The following DACH1 variants were observed in gnomAD, a reference collection of about 807,000 sequenced individuals.
DACH1 encodes dachshund homolog 1.
In DACH1, 12 loss-of-function variants were observed where a neutral mutation model predicts 54.2. The ratio of observed to expected loss-of-function variants is 0.22; its 90% confidence interval spans 0.14 to 0.36. The LOEUF (loss-of-function observed/expected upper bound fraction) is 0.36, where lower values mean the gene tolerates loss of function less well. DACH1 is among the 10% of genes least tolerant of loss of function. DACH1 has a pLI of 1.00. For missense variants in DACH1, 805 were observed against 929.8 expected, an observed-to-expected ratio of 0.87 and a Z score of 1.75; for synonymous variants, 386 against 366.2, an observed-to-expected ratio of 1.05 and a Z score of -0.62.
At chr13:71,632,688 CA>C (rs1431111181) in intron 2 of DACH1, among the ~76,000 whole-genome samples, 1 of 152,082 alleles carries the variant, frequency 6.6e-6, no homozygotes, top group Non-Finnish European at 1.5e-5. Context: ...TCCTTCAGAT[CA>C]GACCAAAGAG....
chr13:71,717,288 A>G (rs566779537), intron 1 of DACH1, among the ~76,000 whole-genome samples: 17 of 152,314 alleles, frequency 1.1e-4, no homozygotes, highest in African/African-American at 4.1e-4. Context: ...TCTTTCAACA[A>G]GAAATGCCTA....
rs555853696 is a variant in DACH1, at chr13:71,655,961, AAAAG to A, written c.965-25248_965-25245del. The stretch of plus-strand genomic sequence containing the variant: ...GTCACATTTTTTATGAAGCATATAA[AAAAG>A]AAAGTAGAAAGTAATTTTTAATTGG... On this transcript the variant is annotated intron_variant, in intron 2 of 10. Transcript: ENST00000613252. 1.5e-4 allele frequency among the ~76,000 whole-genome samples: 23 copies of A among 152,374 alleles called. No individual in the cohort carries two copies. In the South Asian group the frequency reaches 4.6e-3, roughly 30 times the overall value.
intron 3 of DACH1, among the ~76,000 whole-genome samples, chr13:71,588,611 G>C (rs921868311): frequency 6.6e-6 from 1 of 151,910 alleles, no homozygotes; most frequent in Admixed American, 6.6e-5. Flanking sequence ...ACAAGGAACA[G>C]ACAAATGATA....
chr13:71,467,691 C>T (rs954265076), intron 10 of DACH1, among the ~76,000 whole-genome samples: 4 of 151,984 alleles, frequency 2.6e-5, no homozygotes, highest in African/African-American at 9.7e-5. Flanking sequence ...CCGTTTATTG[C>T]TTACTGCCTA....
chr13:71,865,858 G>T lies in DACH1; in HGVS notation c.848+64C>A, dbSNP rs1036058759. 2.8e-6 allele frequency: 4 copies of T among 1,442,160 alleles called. No individual in the cohort carries two copies. The South Asian group carries it at 4.5e-5, about 16-fold the overall frequency. 89.3% of individuals were successfully genotyped at this position (1,442,160 alleles called of 1,614,324 possible). On this transcript the variant is annotated intron_variant, in intron 1 of 10. Coordinates refer to ENST00000613252, the MANE Select transcript of DACH1 (RefSeq NM_080759.6). ...GAGCGAGCGGCGCCGGGAAAGGAGC[G>T]AGGGCAGGCGAGCAGGCTGGTGGGA... is the stretch of plus-strand genomic sequence containing the variant.
intron 6 of DACH1, among the ~76,000 whole-genome samples, chr13:71,552,174 G>A (rs921548342): frequency 6.6e-6 from 1 of 152,236 alleles, no homozygotes; most frequent in African/African-American, 2.4e-5. Flanking sequence ...AACGAGGAAA[G>A]GGAGAGACAG....
chr13:71,767,832 C>CT (rs908625720), intron 1 of DACH1, among the ~76,000 whole-genome samples: 2 of 151,902 alleles, frequency 1.3e-5, no homozygotes, highest in African/African-American at 4.8e-5. Flanking sequence ...TAATATTTTC[C>CT]TAGCCCTTTA....
At chr13:71,865,854 G>T in intron 1 of DACH1, 68 bp downstream of exon 1, 1 of 1,430,976 alleles carries the variant, frequency 7.0e-7, no homozygotes, top group East Asian at 2.8e-5. Flanking sequence ...GCCGGGAAAG[G>T]AGCGAGGGCA....
chr13:71,617,353 C>G (rs1199731632), intron 3 of DACH1, among the ~76,000 whole-genome samples: 1 of 152,010 alleles, frequency 6.6e-6, no homozygotes, highest in Non-Finnish European at 1.5e-5. Context: ...CTTTATTTCT[C>G]AACATTCATG....
chr13:71,461,990 ATATG>A (rs1296194839), intron 10 of DACH1, among the ~76,000 whole-genome samples: 1 of 151,942 alleles, frequency 6.6e-6, no homozygotes, highest in Non-Finnish European at 1.5e-5. Flanking sequence ...GCACACCTGA[ATATG>A]TATGGAAATA....
intron 1 of DACH1, among the ~76,000 whole-genome samples, chr13:71,688,310 T>C (rs1013844427): frequency 6.6e-6 from 1 of 152,260 alleles, no homozygotes; most frequent in Non-Finnish European, 1.5e-5. Context: ...AGTTTATCAA[T>C]GCATAGTTTT....
intron 1 of DACH1, among the ~76,000 whole-genome samples, chr13:71,709,841 C>T (rs895955123): frequency 1.3e-5 from 2 of 152,096 alleles, no homozygotes; most frequent in Non-Finnish European, 2.9e-5. Flanking sequence ...AATAAATACA[C>T]CCACACACAT....
intron 1 of DACH1, among the ~76,000 whole-genome samples, chr13:71,702,176 T>C (rs933961366): frequency 2.8e-4 from 42 of 152,294 alleles, no homozygotes; most frequent in African/African-American, 9.6e-4. Context: ...ATCTAAAGAC[T>C]TGAAATATAT....
intron 1 of DACH1, among the ~76,000 whole-genome samples, chr13:71,689,857 G>A (rs377039111): frequency 6.6e-5 from 10 of 152,026 alleles, no homozygotes; most frequent in South Asian, 2.1e-4. Flanking sequence ...CCTCGCCCTC[G>A]CCCCTAAAGC....
chr13:71,505,651 C>T (rs1880255137), intron 6 of DACH1, among the ~76,000 whole-genome samples: 1 of 152,000 alleles, frequency 6.6e-6, no homozygotes, highest in Non-Finnish European at 1.5e-5. Context: ...TATTAATTTA[C>T]CTTAAATATC....
chr13:71,609,768 C>A (rs1014084998), intron 3 of DACH1, among the ~76,000 whole-genome samples: 1 of 152,066 alleles, frequency 6.6e-6, no homozygotes, highest in African/African-American at 2.4e-5. Context: ...CTCAGGTGAT[C>A]CACCCGCCTC....
chr13:71,840,697 A>G (rs902901922), intron 1 of DACH1, among the ~76,000 whole-genome samples: 1 of 152,250 alleles, frequency 6.6e-6, no homozygotes, highest in African/African-American at 2.4e-5. Flanking sequence ...AAATTGCAAA[A>G]TGAATAAGAG....
At chr13:71,455,561 C>A (rs1233160158) in intron 10 of DACH1, among the ~76,000 whole-genome samples, 2 of 152,076 alleles carry the variant, frequency 1.3e-5, no homozygotes, top group Non-Finnish European at 2.9e-5. Flanking sequence ...ATTCTCAGAT[C>A]AAAAATATCT....
chr13:71,513,623 C>T lies in DACH1; in HGVS notation c.1571-24475G>A, dbSNP rs201932668. On this transcript the variant is annotated intron_variant, in intron 6 of 10. Transcript: ENST00000613252. Reference sequence around the variant, plus strand: ...TCAAGGGTAAATGATTGATGATCCTCTTTGCCATTTCAAAGTAAACCATGA... The same window carrying T: ...TCAAGGGTAAATGATTGATGATCCTTTTTGCCATTTCAAAGTAAACCATGA... 2.6e-5 allele frequency among the ~76,000 whole-genome samples: 4 copies of T among 152,154 alleles called. No homozygotes were observed. The East Asian group carries it at 5.8e-4, about 22-fold the overall frequency.
Sources: allele counts gnomAD v4.1 joint callset (sites outside exome capture counted in the v4.1 genomes callset), GRCh38; gene constraint gnomAD v4.1.1; transcripts MANE v1.5; gene names NCBI Gene and HGNC (gene_info 2026-07-23, HGNC 2026-07-21).